PRKAR1A: variants seen among roughly 807,000 people sequenced by gnomAD.
PRKAR1A encodes cAMP-dependent protein kinase type I-alpha regulatory subunit.
In PRKAR1A, 3 loss-of-function variants were observed where a neutral mutation model predicts 52.0. The observed-to-expected ratio is 0.06, with a 90% CI of 0.03 to 0.15. The LOEUF (loss-of-function observed/expected upper bound fraction) is 0.15. Among genes scored for constraint, PRKAR1A ranks in the 10% least tolerant of loss-of-function variants. The pLI, the probability that PRKAR1A is intolerant of heterozygous loss-of-function variation, is 1.00. For missense variants in PRKAR1A, 240 were observed against 477.4 expected, an observed-to-expected ratio of 0.50 and a Z score of 4.63; for synonymous variants, 188 against 168.4, an observed-to-expected ratio of 1.12 and a Z score of -0.90.
intron 1 of PRKAR1A, 22 bp from the exon 2 acceptor site, chr17:68,515,372 T>C (rs1159168545): frequency 6.2e-7 from 1 of 1,612,188 alleles, no homozygotes; most frequent in Admixed American, 1.7e-5. Flanking sequence ...TATACAAGCA[T>C]GTGTGTGTTT....
chr17:68,433,399 T>C, the PRKAR1A span: 3 of 1,336,518 alleles, frequency 2.2e-6, no homozygotes, highest in Non-Finnish European at 2.1e-6. Context: ...AGATCATTCA[T>C]GCCAGTAGAA....
the PRKAR1A span, among the ~76,000 whole-genome samples, chr17:68,465,284 G>A: frequency 1.3e-5 from 2 of 152,108 alleles, no homozygotes; most frequent in South Asian, 4.2e-4. Context: ...CCCTTCTGCT[G>A]CTAACATTTT....
chr17:68,457,800 C>A, the PRKAR1A span, among the ~76,000 whole-genome samples: 38,511 of 152,058 alleles, frequency 0.25, 5,363 homozygotes, highest in Non-Finnish European at 0.29. Flanking sequence ...GGCTTCGTAA[C>A]GCGGCTCTCC....
At chr17:68,434,272 T>A in the PRKAR1A span, among the ~76,000 whole-genome samples, 3 of 152,162 alleles carry the variant, frequency 2.0e-5, no homozygotes, top group Non-Finnish European at 4.4e-5. Context: ...AAATTATTTT[T>A]GGATTGTGAC....
At chr17:68,541,988 T>C in intron 11 of PRKAR1A, 2 of 1,613,266 alleles carry the variant, frequency 1.2e-6, no homozygotes, top group Non-Finnish European at 1.7e-6. Context: ...AACTCACTCC[T>C]CTTTTCCTGC....
the PRKAR1A span, chr17:68,435,632 A>C: frequency 1.2e-6 from 2 of 1,614,130 alleles, no homozygotes; most frequent in Non-Finnish European, 1.7e-6. Context: ...TTTCAGACGC[A>C]CTTGCTAGTT....
At chr17:68,430,090 G>C in the PRKAR1A span, 1 of 1,614,138 alleles carries the variant, frequency 6.2e-7, no homozygotes, top group South Asian at 1.1e-5. Flanking sequence ...ACCTGGGTAG[G>C]GAGGTAGTTG....
At chr17:68,420,919 C>G in the PRKAR1A span, 1 of 164,078 alleles carries the variant, frequency 6.1e-6, no homozygotes, top group Non-Finnish European at 1.3e-5. Flanking sequence ...GTATTTAGGG[C>G]AGAGCTTCTC....
chr17:68,427,698 C>G, the PRKAR1A span: 1 of 158,332 alleles, frequency 6.3e-6, no homozygotes, highest in Non-Finnish European at 1.4e-5. Context: ...AGTCACACAC[C>G]GTCAAAATGG....
At chr17:68,519,288 T>G (rs2085529772) in intron 2 of PRKAR1A, among the ~76,000 whole-genome samples, 2 of 152,134 alleles carry the variant, frequency 1.3e-5, no homozygotes, top group Non-Finnish European at 2.9e-5. Flanking sequence ...TAAAGGAAAG[T>G]GGTTTGACTC....
At chr17:68,528,288 C>T (rs2085853417) in intron 8 of PRKAR1A, among the ~76,000 whole-genome samples, 1 of 152,176 alleles carries the variant, frequency 6.6e-6, no homozygotes, top group African/African-American at 2.4e-5. Context: ...ACTTGTTCTT[C>T]ATGAAAGGGG....
In PRKAR1A at chr17:68,530,009, T is replaced by C. The variant is rs1339494677; in HGVS notation, c.973+8T>C. The C allele has an allele frequency of 6.2e-7, 1 of 1,611,252 alleles. No homozygotes were observed. Among genetic ancestry groups the C allele is most frequent in the East Asian group, 2.2e-5 (1 of 44,864 alleles). ...GGCCTTCTGATTATTTTGGTATGTA[T>C]GAATTCCCTCACAATAAATACATGG... is the stretch of plus-strand genomic sequence containing the variant. On this transcript the variant is annotated splice_region_variant and intron_variant, in intron 10 of 10. Coordinates refer to ENST00000589228, the MANE Select transcript of PRKAR1A (RefSeq NM_002734.5).
chr17:68,550,934 A>G, intron 11 of PRKAR1A: 1 of 563,466 alleles, frequency 1.8e-6, no homozygotes, highest in East Asian at 3.5e-5. Flanking sequence ...CCTTAGAACC[A>G]TCTACTGGGG....
chr17:68,434,533 TG>T, the PRKAR1A span: 1 of 1,613,072 alleles, frequency 6.2e-7, no homozygotes, highest in Non-Finnish European at 8.5e-7. Flanking sequence ...GACTTTAAAA[TG>T]GGTTTGACAT....
chr17:68,498,964 A>G, the PRKAR1A span, among the ~76,000 whole-genome samples: 1 of 152,154 alleles, frequency 6.6e-6, no homozygotes, highest in Admixed American at 6.6e-5. Flanking sequence ...CTTCCTCACT[A>G]CATGACTTGG....
At chr17:68,438,276 C>A in the PRKAR1A span, among the ~76,000 whole-genome samples, 1 of 152,110 alleles carries the variant, frequency 6.6e-6, no homozygotes, top group African/African-American at 2.4e-5. Context: ...GATACAAGGT[C>A]ATTCCTGGCC....
At chr17:68,506,482 AT>A in the PRKAR1A span, among the ~76,000 whole-genome samples, 12 of 147,378 alleles carry the variant, frequency 8.1e-5, no homozygotes, top group Non-Finnish European at 1.3e-4. Flanking sequence ...AGACTGTGAA[AT>A]TTTTTTTTTC....
the PRKAR1A span, among the ~76,000 whole-genome samples, chr17:68,453,345 G>A: frequency 6.6e-6 from 1 of 152,162 alleles, no homozygotes; most frequent in South Asian, 2.1e-4. Flanking sequence ...ATAGCTGAAA[G>A]CTCTACCTCC....
chr17:68,495,966 CCTCTCCTCTCTCCTCTCCT>C, the PRKAR1A span, among the ~76,000 whole-genome samples: 1 of 52,044 alleles, frequency 1.9e-5, no homozygotes, highest in Non-Finnish European at 3.5e-5. Context: ...TCTCCTCTCT[CCTCTCCTCTCTCCTCTCCT>C]CTCCTCTCCT....
Sources: allele counts gnomAD v4.1 joint callset (sites outside exome capture counted in the v4.1 genomes callset), GRCh38; gene constraint gnomAD v4.1.1; transcripts MANE v1.5; gene names NCBI Gene and HGNC (gene_info 2026-07-23, HGNC 2026-07-21).